Variants in PAPPA observed in about 807,000 individuals in gnomAD.
PAPPA encodes pappalysin-1.
A neutral mutation model predicts 164.0 loss-of-function variants in PAPPA; 60 were observed. The ratio of observed to expected loss-of-function variants is 0.37; its 90% CI spans 0.30 to 0.45. The LOEUF (loss-of-function observed/expected upper bound fraction) is 0.45, where lower values mean the gene tolerates loss of function less well. Ranked by LOEUF, PAPPA falls within the 20% of genes least tolerant of loss-of-function variation. PAPPA has a pLI of 1.00. For synonymous variants in PAPPA, 875 were observed against 814.1 expected, an observed-to-expected ratio of 1.07 and a Z score of -1.27; for missense variants, 1,782 against 2,087.3, an observed-to-expected ratio of 0.85 and a Z score of 2.85.
At chr9:116,379,030 A>C (rs1846691983) in intron 20 of PAPPA, among the ~76,000 whole-genome samples, 1 of 152,208 alleles carries the variant, frequency 6.6e-6, no homozygotes, top group African/African-American at 2.4e-5. Context: ...TCAATCCAGC[A>C]TTTTGGGAAA....
chr9:116,180,061 C>G (rs972977003), intron 1 of PAPPA, among the ~76,000 whole-genome samples: 2 of 152,092 alleles, frequency 1.3e-5, no homozygotes, highest in African/African-American at 4.8e-5. Flanking sequence ...GCCTTTTACC[C>G]TGCCCCACAA....
chr9:116,340,462 T>C (rs1319440478), intron 13 of PAPPA, among the ~76,000 whole-genome samples: 5 of 152,256 alleles, frequency 3.3e-5, no homozygotes, highest in Non-Finnish European at 1.5e-5. Context: ...TTAAAACTCT[T>C]AGTCCTAGTT....
chr9:116,388,650 ACT>A lies in PAPPA; in HGVS notation c.4776+6159_4776+6160del, dbSNP rs1564252837. 4.6e-5 allele frequency among the ~76,000 whole-genome samples: 7 copies of A among 152,194 alleles called. No homozygotes were observed. The South Asian group carries it at 1.4e-3, about 32-fold the overall frequency. On this transcript the variant is annotated intron_variant, in intron 21 of 21. Coordinates refer to ENST00000328252, the MANE Select transcript of PAPPA (RefSeq NM_002581.5). ...ATTTGAATTAGATTCCTGTCTAATA[ACT>A]CAACATAACAAGGCTTTCTAAAAAT...
intron 15 of PAPPA, among the ~76,000 whole-genome samples, chr9:116,349,172 A>G (rs1054756666): frequency 1.4e-5 from 2 of 147,744 alleles, no homozygotes; most frequent in Non-Finnish European, 3.0e-5. Context: ...TGGCTAATGC[A>G]GCCAGTTGAT....
chr9:116,296,730 A>C (rs911393745), intron 9 of PAPPA, among the ~76,000 whole-genome samples: 1 of 152,212 alleles, frequency 6.6e-6, no homozygotes, highest in Non-Finnish European at 1.5e-5. Context: ...AGAGAAAAAC[A>C]ACCTTTGTAA....
chr9:116,307,517 T>C (rs1423367666), intron 10 of PAPPA, among the ~76,000 whole-genome samples: 1 of 152,080 alleles, frequency 6.6e-6, no homozygotes, highest in Non-Finnish European at 1.5e-5. Flanking sequence ...GGAGAATCGC[T>C]TGAACCCGGT....
chr9:116,171,344 C>T (rs764377874), intron 1 of PAPPA, among the ~76,000 whole-genome samples: 6 of 152,136 alleles, frequency 3.9e-5, no homozygotes, highest in Non-Finnish European at 2.9e-5. Context: ...GTTTCCAAAG[C>T]ATTTTCGACA....
At chr9:116,357,951 A>G (rs1161068718) in intron 17 of PAPPA, among the ~76,000 whole-genome samples, 10 of 152,192 alleles carry the variant, frequency 6.6e-5, no homozygotes, top group Non-Finnish European at 1.5e-4. Context: ...GGTGGCTGTG[A>G]AAGCCTTTCT....
chr9:116,364,501 T>G (rs1349043087), intron 18 of PAPPA, among the ~76,000 whole-genome samples: 1 of 152,040 alleles, frequency 6.6e-6, no homozygotes, highest in African/African-American at 2.4e-5. Context: ...ACCACACAAA[T>G]GCATCACTCT....
intron 9 of PAPPA, among the ~76,000 whole-genome samples, chr9:116,280,544 G>A (rs1845253645): frequency 6.6e-6 from 1 of 152,224 alleles, no homozygotes; most frequent in Non-Finnish European, 1.5e-5. Flanking sequence ...GTGAACAAAG[G>A]AGGGATGAGG....
At chr9:116,300,995 G>A (rs1344378164) in intron 9 of PAPPA, among the ~76,000 whole-genome samples, 2 of 152,034 alleles carry the variant, frequency 1.3e-5, no homozygotes, top group Non-Finnish European at 2.9e-5. Flanking sequence ...AGGGGGAAGA[G>A]GCCAAGAAGT....
chr9:116,268,274 A>C (rs1845095056), intron 8 of PAPPA, among the ~76,000 whole-genome samples: 1 of 152,238 alleles, frequency 6.6e-6, no homozygotes, highest in Admixed American at 6.5e-5. Context: ...CAGAACAAGA[A>C]GATACAGTTT....
At chr9:116,373,890 C>T (rs1041473108) in intron 19 of PAPPA, among the ~76,000 whole-genome samples, 70 of 151,978 alleles carry the variant, frequency 4.6e-4, no homozygotes, top group African/African-American at 1.5e-3. Flanking sequence ...CTTGTGTAAA[C>T]CAGAGTCAAA....
At chr9:116,335,838 C>T (rs1588009305) in intron 13 of PAPPA, among the ~76,000 whole-genome samples, 1 of 152,164 alleles carries the variant, frequency 6.6e-6, no homozygotes, top group Non-Finnish European at 1.5e-5. Context: ...GAAATCTACT[C>T]CACAGGGTGG....
intron 6 of PAPPA, among the ~76,000 whole-genome samples, chr9:116,228,372 C>T (rs1164891013): frequency 6.6e-6 from 1 of 152,138 alleles, no homozygotes; most frequent in Non-Finnish European, 1.5e-5. Context: ...CAGGTTAGCT[C>T]ATGCCAGCAG....
intron 18 of PAPPA, among the ~76,000 whole-genome samples, chr9:116,366,653 A>G (rs1846503506): frequency 6.6e-6 from 1 of 152,196 alleles, no homozygotes; most frequent in Non-Finnish European, 1.5e-5. Context: ...TGCCATGCAC[A>G]GTGCCAAGCT....
intron 10 of PAPPA, among the ~76,000 whole-genome samples, chr9:116,320,105 C>T (rs888131849): frequency 2.0e-5 from 3 of 152,140 alleles, no homozygotes; most frequent in Non-Finnish European, 2.9e-5. Context: ...CTTAGTTTCC[C>T]TATCTGTAAA....
chr9:116,304,716 C>T (rs563558273), intron 10 of PAPPA, among the ~76,000 whole-genome samples: 2 of 152,118 alleles, frequency 1.3e-5, no homozygotes, highest in African/African-American at 4.8e-5. Flanking sequence ...ATTATCTCTT[C>T]CTAAACAAAA....
intron 10 of PAPPA, among the ~76,000 whole-genome samples, chr9:116,313,096 A>G (rs1417518665): frequency 5.3e-5 from 8 of 151,602 alleles, no homozygotes; most frequent in Admixed American, 2.0e-4. Flanking sequence ...AAAAAAAAAA[A>G]AAAAAGAAAC....
Sources: gnomAD v4.1 joint callset for allele counts (sites outside exome capture counted in the v4.1 genomes callset) on GRCh38, gnomAD v4.1.1 for gene constraint, MANE v1.5 for transcripts, NCBI Gene and HGNC (gene_info 2026-07-23, HGNC 2026-07-21) for gene names.